The following MLLT3 variants were observed in gnomAD, a reference collection of about 807,000 sequenced individuals.
The protein encoded by MLLT3 is MLLT3 super elongation complex subunit.
In MLLT3, 4 loss-of-function variants were observed where a neutral mutation model predicts 53.2. That is an observed-to-expected ratio of 0.08 (90% CI 0.04 to 0.17). The LOEUF (loss-of-function observed/expected upper bound fraction) is 0.17. Among genes scored for constraint, MLLT3 ranks in the 10% least tolerant of loss-of-function variants. MLLT3 has a pLI of 1.00. For synonymous variants in MLLT3, 283 were observed against 230.6 expected (o/e 1.23, Z -2.06); for missense variants, 569 against 684.0 (o/e 0.83, Z 1.87).
intron 2 of MLLT3, among the ~76,000 whole-genome samples, chr9:20,529,055 G>C (rs543764285): frequency 1.5e-4 from 23 of 152,272 alleles, no homozygotes; most frequent in African/African-American, 5.1e-4. Flanking sequence ...TGAGAGCCTG[G>C]ATCAGGGTTA....
At chr9:20,497,046 T>A (rs1825095416) in intron 2 of MLLT3, among the ~76,000 whole-genome samples, 1 of 152,232 alleles carries the variant, frequency 6.6e-6, no homozygotes, top group South Asian at 2.1e-4. Flanking sequence ...TTGGAGTTCT[T>A]CTTCCGTGAT....
intron 2 of MLLT3, among the ~76,000 whole-genome samples, chr9:20,592,097 C>T (rs1331538114): frequency 6.6e-6 from 1 of 152,092 alleles, no homozygotes; most frequent in Non-Finnish European, 1.5e-5. Context: ...ATAAGGCAAG[C>T]CTATGAGTAA....
chr9:20,367,795 G>A (rs1025743264), intron 5 of MLLT3, among the ~76,000 whole-genome samples: 1 of 152,168 alleles, frequency 6.6e-6, no homozygotes, highest in Non-Finnish European at 1.5e-5. Flanking sequence ...AGCACAACCA[G>A]AAATCACTAA....
intron 4 of MLLT3, among the ~76,000 whole-genome samples, chr9:20,415,784 T>A (rs1053885585): frequency 4.6e-5 from 7 of 152,048 alleles, no homozygotes; most frequent in East Asian, 1.9e-4. Flanking sequence ...CAACAAAAAA[T>A]ATATATATAG....
At chr9:20,403,974 C>T (rs902271095) in intron 5 of MLLT3, among the ~76,000 whole-genome samples, 3 of 152,066 alleles carry the variant, frequency 2.0e-5, no homozygotes, top group Non-Finnish European at 4.4e-5. Flanking sequence ...TGAGAACCAT[C>T]ACACCCAGCT....
intron 5 of MLLT3, among the ~76,000 whole-genome samples, chr9:20,377,707 T>C (rs910181591): frequency 1.3e-5 from 2 of 152,134 alleles, no homozygotes; most frequent in Admixed American, 6.5e-5. Context: ...CTTACAGAAT[T>C]TTCCCGATTA....
chr9:20,432,784 T>C (rs1484321633), intron 4 of MLLT3, among the ~76,000 whole-genome samples: 1 of 152,120 alleles, frequency 6.6e-6, no homozygotes, highest in Admixed American at 6.6e-5. Context: ...TACAAAATTA[T>C]TTCCATCCTT....
Position 20,620,285 on chromosome 9 carries a change from A to G in MLLT3, c.193+369T>C, listed in dbSNP as rs1038651147. Among the ~76,000 whole-genome samples, 63 of 142,996 alleles carry G rather than the reference A, an allele frequency of 4.4e-4. No homozygotes were observed. Among genetic ancestry groups the G allele is most frequent in the African/African-American group, 1.6e-3 (60 of 36,444 alleles). The allele number at this position is 142,996 out of a possible 152,430, so 93.8% of individuals were successfully genotyped here. On this transcript the variant is annotated intron_variant, in intron 2 of 10. Transcript: ENST00000380338. This position sits in a 1 kb window ranked among gnomAD's most constrained non-coding sequence, Gnocchi z 6.1. Reference sequence around the variant, plus strand: ...CACACACACACACACACACACACACACACACACACGCGCAAAGTGTTTATT... The same window carrying G: ...CACACACACACACACACACACACACGCACACACACGCGCAAAGTGTTTATT...
chr9:20,535,317 C>T (rs983893398), intron 2 of MLLT3, among the ~76,000 whole-genome samples: 6 of 152,178 alleles, frequency 3.9e-5, no homozygotes, highest in African/African-American at 1.4e-4. Flanking sequence ...CATCCCCCCA[C>T]CCCATCCATG....
chr9:20,463,601 T>C (rs1322427348), intron 2 of MLLT3, among the ~76,000 whole-genome samples: 12 of 152,188 alleles, frequency 7.9e-5, no homozygotes, highest in Non-Finnish European at 1.2e-4. Context: ...TTCCCCCAAG[T>C]TCCTTCAATG....
chr9:20,405,666 G>T (rs116561502), intron 5 of MLLT3, among the ~76,000 whole-genome samples: 1,813 of 152,236 alleles, frequency 0.012, 40 homozygotes, highest in African/African-American at 0.042. Flanking sequence ...GTTCAATAAG[G>T]TTTCTTTCAT....
At chr9:20,517,416 T>C (rs1386548138) in intron 2 of MLLT3, among the ~76,000 whole-genome samples, 1 of 151,674 alleles carries the variant, frequency 6.6e-6, no homozygotes, top group Admixed American at 6.6e-5. Flanking sequence ...GAACCAAGGT[T>C]TTTTAGGGTC....
chr9:20,368,486 A>T (rs1477785285), intron 5 of MLLT3, among the ~76,000 whole-genome samples: 1 of 152,136 alleles, frequency 6.6e-6, no homozygotes, highest in African/African-American at 2.4e-5. Context: ...TAAAGGAGCC[A>T]CTCTGCCAGA....
At chr9:20,510,302 G>A (rs1234574534) in intron 2 of MLLT3, among the ~76,000 whole-genome samples, 1 of 152,162 alleles carries the variant, frequency 6.6e-6, no homozygotes, top group Admixed American at 6.5e-5. Context: ...CTGGTTGGCA[G>A]AGATACACAA....
rs145615599 is a variant in MLLT3, at chr9:20,521,875, A to G, written c.194-65089T>C. ...TCATTCTATTTATCCAATGCAGCTT[A>G]GTATTCAAGGTTAACAGCAGTCTAA... On this transcript the variant is annotated intron_variant, in intron 2 of 10. Transcript: ENST00000380338. Among the ~76,000 whole-genome samples, 1,457 of 152,336 alleles carry G rather than the reference A, an allele frequency of 9.6e-3. 12 individuals are homozygous for G. Among genetic ancestry groups the G allele is most frequent in the Non-Finnish European group, 0.012 (824 of 68,016 alleles).
intron 2 of MLLT3, among the ~76,000 whole-genome samples, chr9:20,542,207 G>A (rs1198886252): frequency 2.7e-5 from 4 of 149,124 alleles, no homozygotes; most frequent in African/African-American, 9.9e-5. Flanking sequence ...CAGCTCTTCT[G>A]TAACCAGGCA....
chr9:20,579,105 T>C (rs1378646705), intron 2 of MLLT3, among the ~76,000 whole-genome samples: 1 of 152,198 alleles, frequency 6.6e-6, no homozygotes, highest in Non-Finnish European at 1.5e-5. Flanking sequence ...CTCGTGCCTG[T>C]AATCGCAGCT....
chr9:20,499,131 C>G (rs555417326), intron 2 of MLLT3, among the ~76,000 whole-genome samples: 1 of 152,196 alleles, frequency 6.6e-6, no homozygotes, highest in African/African-American at 2.4e-5. Context: ...TCCATCTTCC[C>G]ATGGGCTTCT....
chr9:20,460,818 C>A (rs1399980293), intron 2 of MLLT3, among the ~76,000 whole-genome samples: 1 of 152,192 alleles, frequency 6.6e-6, no homozygotes. Flanking sequence ...AAACTCGCTA[C>A]AATCAACATA....
Sources: allele counts gnomAD v4.1 joint callset (sites outside exome capture counted in the v4.1 genomes callset), GRCh38; gene constraint gnomAD v4.1.1; non-coding constraint Gnocchi (gnomAD v3.1); transcripts MANE v1.5; gene names NCBI Gene and HGNC (gene_info 2026-07-23, HGNC 2026-07-21).